Variants in AFF3 observed in about 807,000 individuals in gnomAD.
The protein encoded by AFF3 is ALF transcription elongation factor 3.
Under a neutral mutation model 129.7 loss-of-function variants are expected in AFF3, and 32 were observed. That is an observed-to-expected ratio of 0.25 (90% CI 0.19 to 0.33). The LOEUF (loss-of-function observed/expected upper bound fraction) is 0.33. AFF3 is among the 10% of genes least tolerant of loss of function. AFF3 has a pLI of 1.00. For synonymous variants in AFF3, 644 were observed against 635.4 expected (o/e 1.01, Z -0.20); for missense variants, 1,373 against 1,592.0 (o/e 0.86, Z 2.34).
intron 8 of AFF3, among the ~76,000 whole-genome samples, chr2:99,772,886 C>G (rs552287385): frequency 5.3e-4 from 80 of 152,344 alleles, no homozygotes; most frequent in African/African-American, 1.8e-3. Context: ...GGGTTTGTGG[C>G]TGCTTGTTAG....
intron 4 of AFF3, among the ~76,000 whole-genome samples, chr2:100,061,460 G>C (rs1287889097): frequency 1.3e-5 from 2 of 151,996 alleles, no homozygotes; most frequent in Non-Finnish European, 2.9e-5. Context: ...TCTCCAAGGT[G>C]ACAAAAAAGT....
intron 11 of AFF3, among the ~76,000 whole-genome samples, chr2:99,713,193 T>C (rs1678057484): frequency 6.6e-6 from 1 of 152,112 alleles, no homozygotes; most frequent in Non-Finnish European, 1.5e-5. Context: ...GTATTAATCC[T>C]TGATGCCACT....
intron 7 of AFF3, among the ~76,000 whole-genome samples, chr2:99,890,681 G>T (rs1198768532): frequency 6.6e-6 from 1 of 152,106 alleles, no homozygotes; most frequent in Non-Finnish European, 1.5e-5. Flanking sequence ...CCTTCAAAGG[G>T]CAGGACTGTG....
intron 8 of AFF3, among the ~76,000 whole-genome samples, chr2:99,791,703 T>G (rs1030657251): frequency 6.6e-6 from 1 of 152,252 alleles, no homozygotes; most frequent in Non-Finnish European, 1.5e-5. Flanking sequence ...AAACCATGAC[T>G]GGCCCAATGT....
rs1384758699 is a variant in AFF3 at position 99,702,723 on chromosome 2, G to A, written c.1091+24354C>T. On this transcript the variant is annotated intron_variant, in intron 11 of 24. Coordinates refer to ENST00000672756, the MANE Select transcript of AFF3 (RefSeq NM_001386135.1). The stretch of plus-strand genomic sequence containing the variant: ...ATCTGTATATTCACTTCAATGAAAT[G>A]TCTGTGTATGTCTTTCATCCATTGT... Among the ~76,000 whole-genome samples, 3 of 152,324 alleles carry A rather than the reference G, an allele frequency of 2.0e-5. No individual in the cohort carries two copies. The East Asian group carries it at 5.8e-4, about 29-fold the overall frequency.
At chr2:99,573,396 C>T (rs1395188799) in intron 18 of AFF3, among the ~76,000 whole-genome samples, 3 of 152,056 alleles carry the variant, frequency 2.0e-5, no homozygotes, top group African/African-American at 7.2e-5. Context: ...AATGATTAAT[C>T]AGGAAAACAA....
chr2:99,865,771 A>G (rs777498011), intron 7 of AFF3, among the ~76,000 whole-genome samples: 2 of 152,236 alleles, frequency 1.3e-5, no homozygotes, highest in Non-Finnish European at 2.9e-5. Context: ...AAAGAAGAGG[A>G]ATACAGGAAG....
intron 8 of AFF3, among the ~76,000 whole-genome samples, chr2:99,785,999 T>C (rs1684758842): frequency 6.6e-6 from 1 of 152,228 alleles, no homozygotes; most frequent in Non-Finnish European, 1.5e-5. Flanking sequence ...TCTGCCTGCC[T>C]TGACCTCCCA....
At chr2:99,599,745 C>T (rs1679637645) in intron 14 of AFF3, among the ~76,000 whole-genome samples, 1 of 152,176 alleles carries the variant, frequency 6.6e-6, no homozygotes, top group South Asian at 2.1e-4. Flanking sequence ...TTGCACTGTC[C>T]CTGGGACGCA....
At chr2:99,807,442 G>C (rs1347836616) in intron 8 of AFF3, among the ~76,000 whole-genome samples, 1 of 152,064 alleles carries the variant, frequency 6.6e-6, no homozygotes, top group Non-Finnish European at 1.5e-5. Context: ...TCCCCTAATT[G>C]ACCATTTGGC....
At chr2:99,788,611 A>G (rs1684974202) in intron 8 of AFF3, among the ~76,000 whole-genome samples, 1 of 152,236 alleles carries the variant, frequency 6.6e-6, no homozygotes, top group Admixed American at 6.5e-5. Context: ...GTATAAAGTA[A>G]AAAGGTTACA....
intron 8 of AFF3, among the ~76,000 whole-genome samples, chr2:99,805,583 C>A (rs981593307): frequency 2.0e-5 from 3 of 152,042 alleles, no homozygotes; most frequent in African/African-American, 7.3e-5. Context: ...AACCAGAAGT[C>A]AATTATTGAT....
chr2:99,593,447 C>T lies in AFF3; in HGVS notation c.2214G>A (p.Leu738=), dbSNP rs1678936997. The T allele has an allele frequency of 6.2e-7, 1 of 1,613,940 alleles. No homozygotes were observed. The highest frequency in any genetic ancestry group is 8.5e-7 in the Non-Finnish European group (1 of 1,180,032). Residue 738 remains leucine (L), a synonymous_variant, in exon 15 of 25, where the codon CTG becomes CTA. Transcript: ENST00000672756. ...GGACCAGTGTGTAGAACTGCTCCTC[C>T]AGCTCCTTGGCGATGTCACTGGTGG... is the stretch of plus-strand genomic sequence containing the variant. The part of the protein sequence containing the change: ...ARTTSDIAKE[L]EEQFYTLVPF...
At chr2:100,095,267 G>A (rs558621177) in intron 4 of AFF3, among the ~76,000 whole-genome samples, 5 of 152,052 alleles carry the variant, frequency 3.3e-5, no homozygotes, top group South Asian at 4.2e-4. Flanking sequence ...ATCTTACTAC[G>A]GGCCTGACCT....
At chr2:99,647,129 A>T (rs1448404605) in intron 13 of AFF3, among the ~76,000 whole-genome samples, 1 of 152,242 alleles carries the variant, frequency 6.6e-6, no homozygotes, top group Non-Finnish European at 1.5e-5. Context: ...ATACCATTTG[A>T]TCCAGCAATC....
chr2:100,046,900 G>A (rs1288325634), intron 4 of AFF3, among the ~76,000 whole-genome samples: 1 of 151,558 alleles, frequency 6.6e-6, no homozygotes, highest in Non-Finnish European at 1.5e-5. Context: ...AAACTCAGTG[G>A]ATTTGAAACT....
intron 7 of AFF3, 62 bp downstream of exon 7, chr2:100,006,570 G>T: frequency 6.7e-7 from 1 of 1,495,206 alleles, no homozygotes; most frequent in South Asian, 1.4e-5. Flanking sequence ...CTGAATTCAC[G>T]AGGGTCAAAT....
At chr2:100,069,132 A>T (rs1687969597) in intron 4 of AFF3, among the ~76,000 whole-genome samples, 1 of 151,906 alleles carries the variant, frequency 6.6e-6, no homozygotes, top group Non-Finnish European at 1.5e-5. Context: ...CCAACAGGCC[A>T]CTAAAAGAAC....
intron 7 of AFF3, among the ~76,000 whole-genome samples, chr2:99,971,771 A>G (rs774767812): frequency 5.9e-5 from 9 of 152,158 alleles, no homozygotes; most frequent in Non-Finnish European, 8.8e-5. Context: ...CCAGAGCCAA[A>G]CCAAAAAAAA....
Sources: allele counts gnomAD v4.1 joint callset (sites outside exome capture counted in the v4.1 genomes callset), GRCh38; gene constraint gnomAD v4.1.1; transcripts MANE v1.5; gene names NCBI Gene and HGNC (gene_info 2026-07-23, HGNC 2026-07-21).